Variants in MORC3 observed in about 807,000 individuals in gnomAD.
The protein encoded by MORC3 is MORC family CW-type zinc finger 3.
A neutral mutation model predicts 109.1 loss-of-function variants in MORC3; 31 were observed. The observed-to-expected ratio is 0.28, with a 90% CI of 0.21 to 0.38. The LOEUF is 0.38. MORC3 is among the 10% of genes least tolerant of loss of function. The probability of loss-of-function intolerance (pLI) is 1.00; values close to 1 mark genes in which losing one functional copy is unlikely to be tolerated. For synonymous variants in MORC3, 395 were observed against 380.7 expected (o/e 1.04, Z -0.44); for missense variants, 867 against 1,135.8 (o/e 0.76, Z 3.40).
intron 6 of MORC3, among the ~76,000 whole-genome samples, chr21:36,343,256 C>T (rs557983291): frequency 7.3e-5 from 11 of 150,632 alleles, no homozygotes; most frequent in African/African-American, 1.7e-4. Flanking sequence ...CCACCATGCC[C>T]GGCTAATTTT....
rs565589336 is a variant in MORC3 at position 36,353,993 on chromosome 21, C to A, written c.1104-2627C>A. On this transcript the variant is annotated intron_variant, in intron 9 of 16. Transcript: ENST00000400485. ...GACTGAGGCAGGAGAAACACTTGAA[C>A]CCAGGAGGTGGAGGTTGCAGTGAGC... Among the ~76,000 whole-genome samples the A allele has an allele frequency of 2.4e-4, 37 of 151,484 alleles. No individual in the cohort carries two copies. In the East Asian group the frequency reaches 6.7e-3, roughly 28 times the overall value.
chr21:36,341,663 A>G (rs1340768163), intron 6 of MORC3, 117 bp downstream of exon 6: 3 of 1,386,516 alleles, frequency 2.2e-6, no homozygotes, highest in Admixed American at 2.4e-5. Flanking sequence ...AAATGAAAGT[A>G]TCTCAGACAT....
chr21:36,360,406 A>G, intron 12 of MORC3, 148 bp downstream of exon 12: 1 of 745,958 alleles, frequency 1.3e-6, no homozygotes, highest in Non-Finnish European at 2.2e-6. Context: ...AGGGCTTTAA[A>G]AACAAAAACT....
chr21:36,344,525 A>T lies in MORC3; in HGVS notation c.757-54A>T, dbSNP rs1338178470. On this transcript the variant is annotated intron_variant, in intron 6 of 16. Transcript: ENST00000400485. ...AGAGCTTCTGTGTAAATCCATGTCT[A>T]AGTAATGGTGAGCAAACCTGTAGAT... 5.1e-6 allele frequency: 8 copies of T among 1,573,994 alleles called. No homozygotes were observed. In the South Asian group the frequency reaches 5.8e-5, roughly 11 times the overall value.
Position 36,320,237 on chromosome 21 carries a change from C to G in MORC3, c.-28C>G. The G allele has an allele frequency of 6.3e-7, 1 of 1,574,956 alleles. No individual in the cohort carries two copies. Among genetic ancestry groups the G allele is most frequent in the Non-Finnish European group, 8.6e-7 (1 of 1,161,410 alleles). The stretch of plus-strand genomic sequence containing the variant: ...CCTCCCAGTCGGGTTGCGGCGGAGG[C>G]CGTTCCTGGCTTTGTAGCTCGCTCA... On this transcript the variant is annotated 5_prime_UTR_variant, in exon 1 of 17. Transcript: ENST00000400485.
At chr21:36,341,128 T>C (rs1816447378) in intron 5 of MORC3, among the ~76,000 whole-genome samples, 1 of 152,234 alleles carries the variant, frequency 6.6e-6, no homozygotes, top group South Asian at 2.1e-4. Context: ...AATTGCTGTA[T>C]CATATAGTAC....
chr21:36,339,789 A>G (rs1206680036), intron 5 of MORC3, among the ~76,000 whole-genome samples: 1 of 152,236 alleles, frequency 6.6e-6, no homozygotes, highest in Non-Finnish European at 1.5e-5. Context: ...GATAAGCCTA[A>G]AGAACTGAAA....
At chr21:36,368,278 C>T (rs1230875762) in intron 14 of MORC3, among the ~76,000 whole-genome samples, 3 of 151,864 alleles carry the variant, frequency 2.0e-5, no homozygotes, top group African/African-American at 4.8e-5. Context: ...TATCTTTGAT[C>T]ACTGATTACT....
chr21:36,356,572 T>A (rs1314772602), intron 9 of MORC3, 48 bp from the exon 10 acceptor site: 2 of 1,255,568 alleles, frequency 1.6e-6, no homozygotes, highest in Non-Finnish European at 2.2e-6. Context: ...TATTTATGAT[T>A]TATGTTTGAA....
At position 36,376,285 on chromosome 21, in the gene MORC3, A is replaced by G. The variant is rs989755762; in HGVS notation, c.*989A>G. 6.6e-6 allele frequency: 1 copy of G among 152,656 alleles called. No individual in the cohort carries two copies. The highest frequency in any genetic ancestry group is 1.5e-5 in the Non-Finnish European group (1 of 68,042). The allele number at this position is 152,656 out of a possible 1,614,324, so 9.5% of individuals were successfully genotyped here. ...CCATGTTTTGTGCAATTTTAAAGAG[A>G]TGGCTTTCTATTAAGTATAAACTAT... On this transcript the variant is annotated 3_prime_UTR_variant, in exon 17 of 17. Coordinates refer to ENST00000400485, the MANE Select transcript of MORC3 (RefSeq NM_015358.3).
chr21:36,355,852 C>T (rs566709116), intron 9 of MORC3, among the ~76,000 whole-genome samples: 11 of 151,418 alleles, frequency 7.3e-5, no homozygotes, highest in African/African-American at 1.5e-4. Context: ...GCTACTCAGG[C>T]GCCTCAACCT....
chr21:36,325,019 A>G (rs750861571), intron 1 of MORC3, among the ~76,000 whole-genome samples: 20 of 152,236 alleles, frequency 1.3e-4, no homozygotes, highest in South Asian at 8.3e-4. Context: ...GCCTTCTCAC[A>G]TTTTTAAGTG....
At chr21:36,367,893 T>A (rs577916507) in intron 14 of MORC3, among the ~76,000 whole-genome samples, 1 of 152,306 alleles carries the variant, frequency 6.6e-6, no homozygotes, top group South Asian at 2.1e-4. Context: ...GAAGCCTATA[T>A]AACAGTTAAG....
chr21:36,369,256 T>C lies in MORC3; in HGVS notation c.1888T>C (p.Ser630Pro), dbSNP rs368474624. ...GACTGGTTCAACAAGCACCTCATCATCCCGATGCGACCAGGGAAATACTGC... is the reference window on the plus strand; with the variant it reads ...GACTGGTTCAACAAGCACCTCATCACCCCGATGCGACCAGGGAAATACTGC... ...GQTGSTSTSS[S>P]RCDQGNTAAT... Residue 630 changes from serine (S) to proline (P), a missense_variant, in exon 15 of 17, where the codon TCC becomes CCC. This residue lies in a region of MORC3 where 486 missense variants were observed against 502.1 expected (regional missense o/e 0.97). Coordinates refer to ENST00000400485, the MANE Select transcript of MORC3 (RefSeq NM_015358.3). 7 of 1,614,006 alleles carry C rather than the reference T, an allele frequency of 4.3e-6. No individual in the cohort carries two copies. The highest frequency in any genetic ancestry group is 3.3e-4 in the Middle Eastern group (2 of 6,084).
intron 1 of MORC3, among the ~76,000 whole-genome samples, chr21:36,331,885 A>G (rs1290034906): frequency 6.6e-6 from 1 of 152,324 alleles, no homozygotes; most frequent in East Asian, 1.9e-4. Flanking sequence ...CACTCCTGCA[A>G]TCCCAGCACT....
chr21:36,331,906 A>C (rs1006586385), intron 1 of MORC3, among the ~76,000 whole-genome samples: 8 of 150,982 alleles, frequency 5.3e-5, no homozygotes, highest in Non-Finnish European at 1.0e-4. Flanking sequence ...TTGGGAGGCC[A>C]ATGTGGGAGG....
chr21:36,320,221 C>A lies in MORC3; in HGVS notation c.-44C>A. On this transcript the variant is annotated 5_prime_UTR_variant, in exon 1 of 17. Transcript: ENST00000400485. Reference sequence around the variant, plus strand: ...CACAGTCGTTCCGCCACCTCCCAGTCGGGTTGCGGCGGAGGCCGTTCCTGG... The same window carrying A: ...CACAGTCGTTCCGCCACCTCCCAGTAGGGTTGCGGCGGAGGCCGTTCCTGG... 2 of 1,563,984 alleles carry A rather than the reference C, an allele frequency of 1.3e-6. No individual in the cohort carries two copies. Among genetic ancestry groups the A allele is most frequent in the Non-Finnish European group, 1.7e-6 (2 of 1,154,700 alleles).
chr21:36,328,377 A>G (rs2085274189), intron 1 of MORC3, among the ~76,000 whole-genome samples: 1 of 126,790 alleles, frequency 7.9e-6, no homozygotes, highest in African/African-American at 3.0e-5. Flanking sequence ...ACCTTAGTTC[A>G]TGCTCCCTCT....
chr21:36,370,631 ATATATATATTTTTTTTTTTTTTT>A (rs1312400287), intron 15 of MORC3, among the ~76,000 whole-genome samples: 25 of 23,814 alleles, frequency 1.0e-3, no homozygotes, highest in African/African-American at 3.0e-3. Context: ...ATATATATAT[ATATATATATTTTTTTTTTTTTTT>A]TTTTTTTTTT....
Sources: allele counts gnomAD v4.1 joint callset (sites outside exome capture counted in the v4.1 genomes callset), GRCh38; gene constraint gnomAD v4.1.1; regional missense constraint gnomAD v4.1.1; transcripts MANE v1.5; gene names NCBI Gene and HGNC (gene_info 2026-07-23, HGNC 2026-07-21).